The following ADAM18 variants were observed in gnomAD, a reference collection of about 807,000 sequenced individuals.
ADAM18 encodes the protein ADAM metallopeptidase domain 18.
ADAM18 carries 117 observed loss-of-function variants against 94.4 expected under a neutral mutation model. The ratio of observed to expected loss-of-function variants is 1.24; its 90% CI spans 1.07 to 1.45. The LOEUF (loss-of-function observed/expected upper bound fraction) is 1.45. ADAM18 is among the 40% of genes most tolerant of loss of function. The probability of loss-of-function intolerance (pLI) is 0.00; values close to 1 mark genes in which losing one functional copy is unlikely to be tolerated. For synonymous variants in ADAM18, 327 were observed against 291.6 expected (o/e 1.12, Z -1.24); for missense variants, 936 against 880.0 (o/e 1.06, Z -0.81).
intron 12 of ADAM18, among the ~76,000 whole-genome samples, chr8:39,660,870 A>C (rs1490631365): frequency 6.6e-6 from 1 of 152,216 alleles, no homozygotes; most frequent in African/African-American, 2.4e-5. Flanking sequence ...AAACAGAGTT[A>C]ACGTACCAGC....
At chr8:39,688,569 T>A (rs1408126401) in intron 16 of ADAM18, among the ~76,000 whole-genome samples, 1 of 152,232 alleles carries the variant, frequency 6.6e-6, no homozygotes, top group Admixed American at 6.5e-5. Context: ...TGACCTCATT[T>A]TTTTTATGTC....
In ADAM18 at chr8:39,645,379, A is replaced by T. The variant is rs372149869; in HGVS notation, c.951A>T (p.Ile317=). The T allele has an allele frequency of 1.0e-4, 161 of 1,612,438 alleles. No individual in the cohort carries two copies. Among genetic ancestry groups the T allele is most frequent in the Non-Finnish European group, 1.3e-4 (154 of 1,179,238 alleles). ...AIGLEGFSVI[I]AQLLGLNVGL... ...GTTTGGAGGGATTTTCGGTTATTAT[A>T]GCTCAACTGCTTGGCCTTAATGTAG... The change falls in exon 11 of 20, where the codon ATA becomes ATT. Residue 317 remains isoleucine, a synonymous_variant. Transcript: ENST00000265707.
At chr8:39,606,724 G>T (rs1253349439) in intron 3 of ADAM18, among the ~76,000 whole-genome samples, 1 of 152,116 alleles carries the variant, frequency 6.6e-6, no homozygotes, top group Non-Finnish European at 1.5e-5. Context: ...AACAGGCTTT[G>T]TGTGAGCAAT....
At chr8:39,693,297 C>A (rs1374246486) in intron 17 of ADAM18, among the ~76,000 whole-genome samples, 2 of 151,374 alleles carry the variant, frequency 1.3e-5, no homozygotes, top group South Asian at 4.1e-4. Flanking sequence ...ATATTTAATT[C>A]TATAATTTCT....
intron 10 of ADAM18, among the ~76,000 whole-genome samples, chr8:39,640,825 T>TA (rs1820216951): frequency 6.6e-6 from 1 of 151,896 alleles, no homozygotes; most frequent in Non-Finnish European, 1.5e-5. Flanking sequence ...ATTTTTTTTT[T>TA]ATGAGAAGTG....
At chr8:39,692,767 G>T (rs749847420) in intron 17 of ADAM18, 87 bp downstream of exon 17, 1 of 1,040,252 alleles carries the variant, frequency 9.6e-7, no homozygotes, top group Non-Finnish European at 1.4e-6. Flanking sequence ...AGTCTAGGTT[G>T]ACTTGCCTAG....
intron 18 of ADAM18, among the ~76,000 whole-genome samples, chr8:39,712,115 A>T (rs1327801116): frequency 6.6e-6 from 1 of 150,816 alleles, no homozygotes; most frequent in Non-Finnish European, 1.5e-5. Flanking sequence ...ACAATAAAAC[A>T]ATAGATATTA....
chr8:39,612,865 C>T lies in ADAM18; in HGVS notation c.522+2159C>T, dbSNP rs533001049. Among the ~76,000 whole-genome samples the T allele has an allele frequency of 2.0e-5, 3 of 152,244 alleles. 1 individual carries two copies. The South Asian group carries it at 6.2e-4, about 32-fold the overall frequency. ...TAGCAAATGGGCTCTTGCCAACATG[C>T]ATGTGCTAATAGCCTCCTCCCACCA... On this transcript the variant is annotated intron_variant, in intron 6 of 19. Coordinates refer to ENST00000265707, the MANE Select transcript of ADAM18 (RefSeq NM_014237.3).
intron 15 of ADAM18, 124 bp downstream of exon 15, chr8:39,677,660 T>C: frequency 3.2e-6 from 2 of 631,676 alleles, no homozygotes. Context: ...TACCAATGCA[T>C]ATATTTTTTC....
intron 6 of ADAM18, among the ~76,000 whole-genome samples, chr8:39,618,467 G>A (rs1390765123): frequency 1.3e-5 from 2 of 152,120 alleles, no homozygotes; most frequent in African/African-American, 4.8e-5. Flanking sequence ...ACAATATAGT[G>A]TGTGCATCAG....
At chr8:39,651,623 G>C (rs1375126692) in intron 12 of ADAM18, among the ~76,000 whole-genome samples, 1 of 82,056 alleles carries the variant, frequency 1.2e-5, no homozygotes, top group South Asian at 3.9e-4. Context: ...AGGGAGCACA[G>C]GGTTGGGGGT....
At chr8:39,646,509 G>T (rs905569878) in intron 11 of ADAM18, among the ~76,000 whole-genome samples, 8 of 152,052 alleles carry the variant, frequency 5.3e-5, no homozygotes, top group Non-Finnish European at 1.0e-4. Context: ...TTGTTAATTG[G>T]TTATGTTCTA....
At chr8:39,616,504 CA>C (rs1304627001) in intron 6 of ADAM18, among the ~76,000 whole-genome samples, 1 of 152,118 alleles carries the variant, frequency 6.6e-6, no homozygotes, top group African/African-American at 2.4e-5. Flanking sequence ...GTTTTTCACG[CA>C]ATTAGACAAA....
intron 16 of ADAM18, among the ~76,000 whole-genome samples, chr8:39,684,292 A>G (rs1821549955): frequency 6.6e-6 from 1 of 151,906 alleles, no homozygotes; most frequent in Admixed American, 6.6e-5. Context: ...TTATTTATTT[A>G]TTTATTTATT....
chr8:39,728,704 A>C (rs1343442321), intron 19 of ADAM18, among the ~76,000 whole-genome samples: 1 of 152,202 alleles, frequency 6.6e-6, no homozygotes, highest in South Asian at 2.1e-4. Context: ...ATTGTTTGTA[A>C]GTCAAACAAA....
rs560342416 is a variant in ADAM18 at position 39,636,022 on chromosome 8, TGA to T, written c.589-1224_589-1223del. Among the ~76,000 whole-genome samples the T allele has an allele frequency of 4.8e-4, 70 of 144,734 alleles. 2 individuals are homozygous for T. The highest frequency in any genetic ancestry group is 4.0e-4 in the East Asian group (2 of 5,060). The allele number at this position is 144,734 out of a possible 152,430, so 95.0% of individuals were successfully genotyped here. ...TTAAGTTTTTTTGTTTTTTTTTTTTTGAGAGAGAGAGAGAGAGAGGGGGCCTC... is the reference window on the plus strand; with the variant it reads ...TTAAGTTTTTTTGTTTTTTTTTTTTTGAGAGAGAGAGAGAGAGGGGGCCTC... On this transcript the variant is annotated intron_variant, in intron 7 of 19. Coordinates refer to ENST00000265707, the MANE Select transcript of ADAM18 (RefSeq NM_014237.3).
chr8:39,624,460 T>C (rs542930635), intron 6 of ADAM18, among the ~76,000 whole-genome samples: 11 of 152,310 alleles, frequency 7.2e-5, no homozygotes, highest in African/African-American at 2.6e-4. Context: ...CAGTTGGTGG[T>C]ATTTGGCTTT....
At chr8:39,596,717 TA>T (rs1244339003) in intron 2 of ADAM18, among the ~76,000 whole-genome samples, 3 of 152,178 alleles carry the variant, frequency 2.0e-5, no homozygotes, top group African/African-American at 4.8e-5. Flanking sequence ...GATTATATGG[TA>T]AGAGTATGTG....
chr8:39,605,388 C>T (rs1679558992), intron 2 of ADAM18, among the ~76,000 whole-genome samples: 1 of 152,174 alleles, frequency 6.6e-6, no homozygotes, highest in Admixed American at 6.5e-5. Context: ...TAGTTTATAA[C>T]TCTTGTCCCT....
Sources: gnomAD v4.1 joint callset for allele counts (sites outside exome capture counted in the v4.1 genomes callset) on GRCh38, gnomAD v4.1.1 for gene constraint, MANE v1.5 for transcripts, NCBI Gene and HGNC (gene_info 2026-07-23, HGNC 2026-07-21) for gene names.